The following UNC45B variants were observed in gnomAD, a reference collection of about 807,000 sequenced individuals.
UNC45B encodes the protein protein unc-45 homolog B.
UNC45B carries 78 observed loss-of-function variants against 98.7 expected under a neutral mutation model. The observed-to-expected ratio is 0.79, with a 90% CI of 0.66 to 0.95. UNC45B has a LOEUF of 0.95. Among genes scored for constraint, UNC45B ranks in the 40% least tolerant of loss-of-function variants. UNC45B has a pLI of 0.00. For synonymous variants in UNC45B, 462 were observed against 480.4 expected (o/e 0.96, Z 0.50); for missense variants, 1,225 against 1,184.9 (o/e 1.03, Z -0.50).
rs747941098 is a variant in UNC45B, at chr17:35,164,115, G to C, written c.1100G>C (p.Arg367Pro). ...ILINKLYDDL[R>P]CDPERDHFRK... ...ATCAACAAGCTCTATGATGACCTGC[G>C]CTGTGACCCGGAGCGCGATCACTTC... The change falls in exon 9 of 20, where the codon CGC becomes CCC. Residue 367 changes from arginine (R) to proline (P), a missense_variant. Transcript: ENST00000394570. The C allele has an allele frequency of 1.2e-6, 2 of 1,613,828 alleles. No homozygotes were observed. The highest frequency in any genetic ancestry group is 1.7e-6 in the Non-Finnish European group (2 of 1,179,894).
intron 9 of UNC45B, chr17:35,164,772 A>C (rs2092126539): frequency 6.6e-6 from 1 of 152,122 alleles, no homozygotes; most frequent in South Asian, 2.1e-4. Flanking sequence ...CCCACGCTGG[A>C]GTGCAGTGAC....
At position 35,185,629 on chromosome 17, in the gene UNC45B, C is replaced by T. The variant is rs149326351; in HGVS notation, c.2530-670C>T. On this transcript the variant is annotated intron_variant, in intron 19 of 19. Transcript: ENST00000394570. Reference sequence around the variant, plus strand: ...CCTGGGTTGGTGTCTTAAATCATCACGTACTTGCCCTGCATCCACTTCTAC... The same window carrying T: ...CCTGGGTTGGTGTCTTAAATCATCATGTACTTGCCCTGCATCCACTTCTAC... 1.1e-4 allele frequency among the ~76,000 whole-genome samples: 16 copies of T among 152,128 alleles called. No homozygotes were observed. In the East Asian group the frequency reaches 2.7e-3, roughly 26 times the overall value.
At chr17:35,154,817 G>A in intron 6 of UNC45B, 76 bp downstream of exon 6, 2 of 1,433,198 alleles carry the variant, frequency 1.4e-6, no homozygotes, top group Non-Finnish European at 1.8e-6. Flanking sequence ...TGTGGTCAGG[G>A]CTGTGGCTGG....
In UNC45B at chr17:35,159,543, A is replaced by G. The variant is rs145486318; in HGVS notation, c.977A>G (p.Asn326Ser). 2,085 of 1,613,246 alleles carry G rather than the reference A, an allele frequency of 1.3e-3. 3 individuals carry two copies. Among genetic ancestry groups the G allele is most frequent in the Non-Finnish European group, 1.7e-3 (1,968 of 1,179,416 alleles). Reference sequence around the variant, plus strand: ...TCACGTACCATCTATGTGGTGGATAATGGTGAGAAGAGGGGAAGGTTTGGG... The same window carrying G: ...TCACGTACCATCTATGTGGTGGATAGTGGTGAGAAGAGGGGAAGGTTTGGG... ...DNSRTIYVVD[N>S]GLRKILKVVG... Residue 326 changes from asparagine (N) to serine (S), a missense_variant and splice_region_variant, in exon 8 of 20, where the codon AAT (asparagine) becomes AGT (serine). By Grantham distance (46) the Asn-to-Ser change is conservative. Transcript: ENST00000394570.
At chr17:35,156,095 AC>A (rs1399765058) in intron 7 of UNC45B, among the ~76,000 whole-genome samples, 2 of 152,226 alleles carry the variant, frequency 1.3e-5, no homozygotes, top group African/African-American at 4.8e-5. Flanking sequence ...TAAGCCAGCC[AC>A]AAAAAGACAA....
chr17:35,148,895 C>T (rs554267755), intron 2 of UNC45B, 78 bp from the exon 3 acceptor site: 1 of 1,579,812 alleles, frequency 6.3e-7, no homozygotes, highest in Non-Finnish European at 8.7e-7. Context: ...CCTCTCCCCA[C>T]ACTGTGGGGA....
intron 16 of UNC45B, 53 bp downstream of exon 16, chr17:35,177,183 T>C: frequency 2.0e-6 from 3 of 1,500,214 alleles, no homozygotes; most frequent in South Asian, 2.3e-5. Context: ...CCTTTGCTCC[T>C]AGAGGCCTTT....
chr17:35,166,554 A>C (rs1288775627), intron 9 of UNC45B, among the ~76,000 whole-genome samples: 2 of 152,130 alleles, frequency 1.3e-5, no homozygotes, highest in African/African-American at 4.8e-5. Flanking sequence ...CACTGCCTTC[A>C]TCAAATGGTG....
At chr17:35,179,549 C>T (rs1349263460) in intron 17 of UNC45B, among the ~76,000 whole-genome samples, 7 of 152,264 alleles carry the variant, frequency 4.6e-5, no homozygotes, top group Non-Finnish European at 8.8e-5. Context: ...GACACATATG[C>T]ACCATGGAAT....
rs2092134597 is a variant in UNC45B, at chr17:35,165,767, A to G, written c.1151+1601A>G. Among the ~76,000 whole-genome samples the G allele has an allele frequency of 1.3e-5, 2 of 152,036 alleles. 1 individual carries two copies. The highest frequency in any genetic ancestry group is 4.2e-4 in the South Asian group (2 of 4,818). On this transcript the variant is annotated intron_variant, in intron 9 of 19. Transcript: ENST00000394570. ...AGCCTGACCAACATGGTGAAACCCC[A>G]TCTCTACTAAAAATACCAAAAATTA...
chr17:35,148,522 T>G, intron 2 of UNC45B, 91 bp downstream of exon 2: 3 of 1,446,080 alleles, frequency 2.1e-6, no homozygotes, highest in African/African-American at 2.8e-5. Flanking sequence ...AAATTGCCCT[T>G]CATCCCAGCC....
chr17:35,183,488 G>C lies in UNC45B; in HGVS notation c.2435G>C (p.Gly812Ala). Reference protein sequence around the residue: ...DRLKLVVLLCGEDDDKVQNAA... With the variant: ...DRLKLVVLLCAEDDDKVQNAA... ...CTGAAGCTGGTGGTGCTGCTCTGCGGGGAGGATGATGATAAGGTGCAGAAT... is the reference window on the plus strand; with the variant it reads ...CTGAAGCTGGTGGTGCTGCTCTGCGCGGAGGATGATGATAAGGTGCAGAAT... Residue 812 changes from glycine to alanine, a missense_variant, in exon 19 of 20, where the codon GGG becomes GCG. Transcript: ENST00000394570. The C allele has an allele frequency of 1.2e-6, 2 of 1,606,366 alleles. No individual in the cohort carries two copies. Among genetic ancestry groups the C allele is most frequent in the Non-Finnish European group, 1.7e-6 (2 of 1,175,910 alleles).
chr17:35,169,978 C>T, intron 11 of UNC45B, 47 bp downstream of exon 11: 1 of 1,612,220 alleles, frequency 6.2e-7, no homozygotes, highest in Non-Finnish European at 8.5e-7. Context: ...CATGCGCCTT[C>T]CGGGCAAGAG....
rs774236919 is a variant in UNC45B at position 35,159,564 on chromosome 17, T to C, written c.979+19T>C. On this transcript the variant is annotated intron_variant, in intron 8 of 19. Coordinates refer to ENST00000394570, the MANE Select transcript of UNC45B (RefSeq NM_001267052.2). ...GATAATGGTGAGAAGAGGGGAAGGT[T>C]TGGGGCTTGCTCAAGCCTTTTAAGT... is the stretch of plus-strand genomic sequence containing the variant. 5 of 1,607,672 alleles carry C rather than the reference T, an allele frequency of 3.1e-6. No homozygotes were observed. The highest frequency in any genetic ancestry group is 4.3e-6 in the Non-Finnish European group (5 of 1,175,156).
chr17:35,159,149 A>C (rs2092083839), intron 7 of UNC45B, among the ~76,000 whole-genome samples: 1 of 152,212 alleles, frequency 6.6e-6, no homozygotes, highest in Non-Finnish European at 1.5e-5. Context: ...GAGCTGTTGT[A>C]GAAGTCAGGG....
At chr17:35,176,170 C>A in intron 15 of UNC45B, 136 bp downstream of exon 15, 1 of 798,310 alleles carries the variant, frequency 1.3e-6, no homozygotes, top group Non-Finnish European at 2.1e-6. Context: ...TGCTCATAGC[C>A]CCAAGCCAAT....
intron 4 of UNC45B, among the ~76,000 whole-genome samples, chr17:35,152,294 T>G (rs2092025522): frequency 6.7e-6 from 1 of 149,242 alleles, no homozygotes; most frequent in African/African-American, 2.5e-5. Flanking sequence ...TAGGTGGGAG[T>G]AGTGTGGACC....
At chr17:35,174,862 A>T (rs1291135437) in intron 14 of UNC45B, among the ~76,000 whole-genome samples, 1 of 150,552 alleles carries the variant, frequency 6.6e-6, no homozygotes, top group East Asian at 2.0e-4. Context: ...AGAGAGAGAG[A>T]GAGAAAGGAA....
At position 35,174,012 on chromosome 17, in the gene UNC45B, C is replaced by T. The variant is rs112579599; in HGVS notation, c.1831-230C>T. On this transcript the variant is annotated intron_variant, in intron 13 of 19. Transcript: ENST00000394570. ...ATTTTCAGTAGAGACAGGGTTTTAC[C>T]GTGTTAGCCAGGATGGTCTTGATCT... 8.1e-3 allele frequency among the ~76,000 whole-genome samples: 1,231 copies of T among 151,886 alleles called. 20 individuals carry two copies. The highest frequency in any genetic ancestry group is 0.039 in the East Asian group (201 of 5,140).
Sources: gnomAD v4.1 joint callset for allele counts (sites outside exome capture counted in the v4.1 genomes callset) on GRCh38, gnomAD v4.1.1 for gene constraint, MANE v1.5 for transcripts, NCBI Gene and HGNC (gene_info 2026-07-23, HGNC 2026-07-21) for gene names.